FAM13A: variants seen among roughly 807,000 people sequenced by gnomAD.
FAM13A encodes the protein family with sequence similarity 13 member A.
A neutral mutation model predicts 129.6 loss-of-function variants in FAM13A; 76 were observed. The observed-to-expected ratio is 0.59, with a 90% CI of 0.49 to 0.71. The LOEUF is 0.71. Ranked by LOEUF, FAM13A falls within the 30% of genes least tolerant of loss-of-function variation. The pLI, the probability that FAM13A is intolerant of heterozygous loss-of-function variation, is 0.00. For missense variants in FAM13A, 1,108 were observed against 1,249.3 expected (o/e 0.89, Z 1.70); for synonymous variants, 443 against 449.9 (o/e 0.98, Z 0.20).
At chr4:88,783,638 G>T (rs1301046199) in intron 10 of FAM13A, among the ~76,000 whole-genome samples, 3 of 152,114 alleles carry the variant, frequency 2.0e-5, no homozygotes, top group African/African-American at 7.2e-5. Flanking sequence ...AGTATGGACG[G>T]ATTTATGTAC....
At chr4:88,808,971 T>C (rs1729114224) in intron 7 of FAM13A, among the ~76,000 whole-genome samples, 1 of 152,160 alleles carries the variant, frequency 6.6e-6, no homozygotes. Context: ...AACTTAGATA[T>C]TTTTATCTAC....
chr4:88,744,187 A>G (rs1470256818), intron 19 of FAM13A, among the ~76,000 whole-genome samples: 1 of 152,196 alleles, frequency 6.6e-6, no homozygotes, highest in East Asian at 1.9e-4. Context: ...TCCATTGAGG[A>G]AGATCAGATG....
chr4:88,952,463 C>T (rs1292009083), intron 4 of FAM13A, among the ~76,000 whole-genome samples: 2 of 152,170 alleles, frequency 1.3e-5, no homozygotes, highest in African/African-American at 4.8e-5. Flanking sequence ...AACTTCACTC[C>T]ATGCCCAGCT....
chr4:88,735,322 T>G (rs1738762292), intron 21 of FAM13A, among the ~76,000 whole-genome samples: 1 of 152,250 alleles, frequency 6.6e-6, no homozygotes, highest in Admixed American at 6.5e-5. Flanking sequence ...ACATATTATG[T>G]AATTAACAAA....
intron 7 of FAM13A, among the ~76,000 whole-genome samples, chr4:88,817,948 AAAAC>A: frequency 1.3e-5 from 2 of 152,320 alleles, no homozygotes; most frequent in Non-Finnish European, 2.9e-5. Flanking sequence ...CATCATTTAC[AAAAC>A]AAACAAAACA....
In FAM13A at chr4:88,835,564, A is replaced by G. The variant is rs1379584587; in HGVS notation, c.1007+15456T>C. Among the ~76,000 whole-genome samples the G allele has an allele frequency of 3.9e-5, 6 of 152,124 alleles. No individual in the cohort carries two copies. The East Asian group carries it at 1.2e-3, about 29-fold the overall frequency. On this transcript the variant is annotated intron_variant, in intron 7 of 23. Coordinates refer to ENST00000264344, the MANE Select transcript of FAM13A (RefSeq NM_014883.4). ...TTGTAATATATAGTGAAATAATTAT[A>G]CAATTCATCATAATGTAGAATCAGT...
intron 4 of FAM13A, among the ~76,000 whole-genome samples, chr4:88,970,873 G>C (rs1759987491): frequency 6.6e-6 from 1 of 152,142 alleles, no homozygotes; most frequent in Admixed American, 6.5e-5. Context: ...TAATAACACA[G>C]TAGGAAAAAA....
chr4:88,822,544 G>T (rs574875794), intron 7 of FAM13A, among the ~76,000 whole-genome samples: 1 of 152,200 alleles, frequency 6.6e-6, no homozygotes, highest in East Asian at 1.9e-4. Context: ...TCCTTGCCTA[G>T]ATCTGAACTC....
intron 10 of FAM13A, among the ~76,000 whole-genome samples, chr4:88,781,685 A>T (rs1263723587): frequency 6.6e-6 from 1 of 151,912 alleles, no homozygotes; most frequent in Non-Finnish European, 1.5e-5. Context: ...TAGATGTTTA[A>T]ATATATATAT....
chr4:88,879,618 T>G (rs1743194701), intron 6 of FAM13A, among the ~76,000 whole-genome samples: 1 of 152,098 alleles, frequency 6.6e-6, no homozygotes, highest in South Asian at 2.1e-4. Context: ...GGGATGGAGG[T>G]GCGGCATGTG....
chr4:88,874,242 C>T (rs554367343), intron 6 of FAM13A, among the ~76,000 whole-genome samples: 11 of 152,260 alleles, frequency 7.2e-5, no homozygotes, highest in Non-Finnish European at 1.5e-4. Context: ...GACAGGGATG[C>T]CCTCTCTCAC....
intron 3 of FAM13A, among the ~76,000 whole-genome samples, chr4:89,019,311 A>C (rs1449888066): frequency 6.6e-6 from 1 of 152,196 alleles, no homozygotes; most frequent in Admixed American, 6.5e-5. Flanking sequence ...AGCACCCTTA[A>C]TCTGGCAACG....
intron 7 of FAM13A, among the ~76,000 whole-genome samples, chr4:88,828,628 G>T (rs1733405738): frequency 6.6e-6 from 1 of 152,164 alleles, no homozygotes; most frequent in Non-Finnish European, 1.5e-5. Flanking sequence ...AATAAGTGCA[G>T]AATGAATTAA....
At chr4:88,928,939 T>C (rs1001184884) in intron 5 of FAM13A, among the ~76,000 whole-genome samples, 6 of 152,188 alleles carry the variant, frequency 3.9e-5, no homozygotes, top group African/African-American at 1.4e-4. Context: ...TGTCATTTTA[T>C]TCTTCTCTCT....
chr4:88,921,094 CG>C (rs1750998884), intron 5 of FAM13A, among the ~76,000 whole-genome samples: 2 of 152,046 alleles, frequency 1.3e-5, no homozygotes, highest in Non-Finnish European at 2.9e-5. Flanking sequence ...CTGAAAGTGA[CG>C]GGGAGAATGG....
intron 7 of FAM13A, among the ~76,000 whole-genome samples, chr4:88,842,525 A>T (rs10001319): frequency 0.73 from 111,138 of 152,212 alleles, 41,772 homozygotes; most frequent in East Asian, 0.95. Flanking sequence ...GTTAATCACA[A>T]ATAAGTTTGT....
intron 1 of FAM13A, among the ~76,000 whole-genome samples, chr4:89,039,548 C>T (rs560796605): frequency 5.9e-5 from 9 of 152,260 alleles, no homozygotes; most frequent in Non-Finnish European, 1.0e-4. Flanking sequence ...CTTTGTACTT[C>T]CTAGTCATTT....
At position 89,025,242 on chromosome 4, in the gene FAM13A, ATTG is replaced by A. The variant is rs1178418352; in HGVS notation, c.217+4215_217+4217del. Among the ~76,000 whole-genome samples the A allele has an allele frequency of 1.9e-3, 103 of 55,478 alleles. 1 individual carries two copies. The highest frequency in any genetic ancestry group is 0.015 in the Middle Eastern group (1 of 68). 36.4% of individuals were successfully genotyped at this position (55,478 alleles called of 152,430 possible). A position where few individuals can be genotyped will look rare whatever the true frequency, so the allele number is the denominator to read the frequency against. ...TATGCTAAAGGTTAACCATGGAATC[ATTG>A]TTTTTTTTTTTTTTTTTTTTTTTTT... On this transcript the variant is annotated intron_variant, in intron 2 of 23. Coordinates refer to ENST00000264344, the MANE Select transcript of FAM13A (RefSeq NM_014883.4).
intron 6 of FAM13A, 89 bp downstream of exon 6, chr4:88,906,290 A>G: frequency 2.4e-6 from 2 of 838,088 alleles, no homozygotes; most frequent in South Asian, 4.0e-5. Flanking sequence ...TCTGTCTCAA[A>G]ACAAACAAAC....
Sources: gnomAD v4.1 joint callset for allele counts (sites outside exome capture counted in the v4.1 genomes callset) on GRCh38, gnomAD v4.1.1 for gene constraint, MANE v1.5 for transcripts, NCBI Gene and HGNC (gene_info 2026-07-23, HGNC 2026-07-21) for gene names.